Variants in CD247 observed in about 807,000 individuals in gnomAD.
CD247 encodes CD247 molecule.
A neutral mutation model predicts 30.0 loss-of-function variants in CD247; 13 were observed. That is an observed-to-expected ratio of 0.43 (90% CI 0.28 to 0.69). The LOEUF (loss-of-function observed/expected upper bound fraction) is 0.69. CD247 is among the 30% of genes least tolerant of loss of function. The pLI, the probability that CD247 is intolerant of heterozygous loss-of-function variation, is 0.16. For synonymous variants in CD247, 72 were observed against 80.0 expected, an observed-to-expected ratio of 0.90 and a Z score of 0.53; for missense variants, 193 against 212.6, an observed-to-expected ratio of 0.91 and a Z score of 0.57.
chr1:167,512,763 G>T (rs1257770358), intron 1 of CD247, among the ~76,000 whole-genome samples: 1 of 152,186 alleles, frequency 6.6e-6, no homozygotes, highest in South Asian at 2.1e-4. Context: ...GCGTGAAGAG[G>T]CACCATTGCC....
chr1:167,478,034 G>A (rs555680328), intron 1 of CD247, among the ~76,000 whole-genome samples: 2 of 152,340 alleles, frequency 1.3e-5, no homozygotes, highest in African/African-American at 4.8e-5. Flanking sequence ...TAAAGCCCTT[G>A]GCAACTCTTC....
intron 1 of CD247, among the ~76,000 whole-genome samples, chr1:167,451,437 G>A (rs771494883): frequency 1.2e-4 from 19 of 152,130 alleles, no homozygotes. Flanking sequence ...CTAAAATCCA[G>A]GCTATACTGC....
At chr1:167,456,414 A>G (rs967274836) in intron 1 of CD247, among the ~76,000 whole-genome samples, 2 of 152,214 alleles carry the variant, frequency 1.3e-5, no homozygotes, top group Admixed American at 6.5e-5. Context: ...AGTACTTAAC[A>G]AAAACTACAG....
At chr1:167,504,412 T>G (rs1430368144) in intron 1 of CD247, among the ~76,000 whole-genome samples, 1 of 152,282 alleles carries the variant, frequency 6.6e-6, no homozygotes, top group African/African-American at 2.4e-5. Context: ...TGAAAGTGAA[T>G]TAATGCGCAG....
At chr1:167,464,540 C>G (rs1653155546) in intron 1 of CD247, among the ~76,000 whole-genome samples, 1 of 152,224 alleles carries the variant, frequency 6.6e-6, no homozygotes, top group Non-Finnish European at 1.5e-5. Flanking sequence ...TCAGGACTGG[C>G]TGCTTTCTGC....
chr1:167,472,918 A>G (rs1021220072), intron 1 of CD247, among the ~76,000 whole-genome samples: 2 of 152,168 alleles, frequency 1.3e-5, no homozygotes, highest in Non-Finnish European at 2.9e-5. Context: ...TGTTGCCTGC[A>G]TGAAAGATCA....
At chr1:167,436,626 TA>T (rs1442377303) in intron 4 of CD247, among the ~76,000 whole-genome samples, 1 of 152,172 alleles carries the variant, frequency 6.6e-6, no homozygotes, top group Non-Finnish European at 1.5e-5. Flanking sequence ...ATTAAAGACT[TA>T]AACATAAGGC....
rs12088045 is a variant in CD247, at chr1:167,434,737, A to G, written c.337-661T>C. On this transcript the variant is annotated intron_variant, in intron 5 of 7. Transcript: ENST00000362089. The stretch of plus-strand genomic sequence containing the variant: ...GGCTGATCAACCTGGGAACTCCAGC[A>G]GCAGGGTTTGGGGAGGGAAGGGAGA... 3.5e-3 allele frequency: 1,601 copies of G among 452,428 alleles called. 24 individuals carry two copies. The highest frequency in any genetic ancestry group is 0.03 in the African/African-American group (1,504 of 50,042). 28.0% of individuals were successfully genotyped at this position (452,428 alleles called of 1,614,324 possible). A position where few individuals can be genotyped will look rare whatever the true frequency, so the allele number is the denominator to read the frequency against.
intron 1 of CD247, among the ~76,000 whole-genome samples, chr1:167,446,610 A>T (rs840009): frequency 6.6e-6 from 1 of 152,164 alleles, no homozygotes; most frequent in Non-Finnish European, 1.5e-5. Flanking sequence ...GACCTCCCAC[A>T]CCATCATGCC....
At chr1:167,441,812 A>G (rs1290232206) in intron 1 of CD247, among the ~76,000 whole-genome samples, 1 of 152,242 alleles carries the variant, frequency 6.6e-6, no homozygotes, top group African/African-American at 2.4e-5. Flanking sequence ...CTGGTTAAAT[A>G]AAAGTTTGCA....
At chr1:167,491,293 G>C (rs1654434268) in intron 1 of CD247, among the ~76,000 whole-genome samples, 1 of 152,208 alleles carries the variant, frequency 6.6e-6, no homozygotes, top group African/African-American at 2.4e-5. Flanking sequence ...TACTGGCCGG[G>C]CGCAGTGGCT....
At chr1:167,515,815 T>C (rs1655580545) in intron 1 of CD247, among the ~76,000 whole-genome samples, 1 of 152,214 alleles carries the variant, frequency 6.6e-6, no homozygotes, top group Non-Finnish European at 1.5e-5. Context: ...GCCATGGGTT[T>C]CCATCTCCTG....
chr1:167,462,054 A>C (rs1653043436), intron 1 of CD247, among the ~76,000 whole-genome samples: 1 of 152,206 alleles, frequency 6.6e-6, no homozygotes, highest in Non-Finnish European at 1.5e-5. Context: ...GGATGCCCAC[A>C]GGAGGAAAGC....
intron 1 of CD247, among the ~76,000 whole-genome samples, chr1:167,455,721 C>A (rs1469053449): frequency 6.6e-6 from 1 of 152,202 alleles, no homozygotes; most frequent in African/African-American, 2.4e-5. Flanking sequence ...CCCAGGCCCC[C>A]GCGCTGAGAG....
intron 1 of CD247, among the ~76,000 whole-genome samples, chr1:167,447,125 A>G (rs186240564): frequency 2.0e-5 from 3 of 152,380 alleles, no homozygotes; most frequent in African/African-American, 2.4e-5. Context: ...CATGAAGCAT[A>G]CAGTTTAGAG....
chr1:167,430,972 T>C lies in CD247; in HGVS notation c.*709A>G, dbSNP rs34279957. Reference sequence around the variant, plus strand: ...TAACCACATGTTTTTTATGCCACTTTGTGCACAGCTCATCAAGGTCAGTCT... The same window carrying C: ...TAACCACATGTTTTTTATGCCACTTCGTGCACAGCTCATCAAGGTCAGTCT... On this transcript the variant is annotated 3_prime_UTR_variant, in exon 8 of 8. Transcript: ENST00000362089. The C allele has an allele frequency of 4.4e-3, 1,758 of 400,720 alleles. 10 individuals carry two copies. Among genetic ancestry groups the C allele is most frequent in the Middle Eastern group, 6.3e-3 (10 of 1,588 alleles). 24.8% of individuals were successfully genotyped at this position (400,720 alleles called of 1,614,324 possible). A position where few individuals can be genotyped will look rare whatever the true frequency, so the allele number is the denominator to read the frequency against.
At chr1:167,511,724 T>G (rs564760279) in intron 1 of CD247, among the ~76,000 whole-genome samples, 1 of 152,234 alleles carries the variant, frequency 6.6e-6, no homozygotes, top group Admixed American at 6.5e-5. Flanking sequence ...GGGTATATGA[T>G]GGTGTACGGA....
intron 4 of CD247, among the ~76,000 whole-genome samples, chr1:167,438,306 C>T (rs960041942): frequency 2.0e-5 from 3 of 152,184 alleles, no homozygotes; most frequent in Admixed American, 6.5e-5. Context: ...GGCCAAGGAG[C>T]AGTTTGAGGG....
At chr1:167,446,236 G>A (rs567697134) in intron 1 of CD247, among the ~76,000 whole-genome samples, 3 of 152,242 alleles carry the variant, frequency 2.0e-5, no homozygotes, top group East Asian at 3.9e-4. Flanking sequence ...GCTTGTAAAC[G>A]TTCCACTTCA....
Sources: allele counts gnomAD v4.1 joint callset (sites outside exome capture counted in the v4.1 genomes callset), GRCh38; gene constraint gnomAD v4.1.1; transcripts MANE v1.5; gene names NCBI Gene and HGNC (gene_info 2026-07-23, HGNC 2026-07-21).